The following PLD5 variants were observed in gnomAD, a reference collection of about 807,000 sequenced individuals.
PLD5 encodes the protein inactive phospholipase D5.
A neutral mutation model predicts 61.1 loss-of-function variants in PLD5; 36 were observed. The ratio of observed to expected loss-of-function variants is 0.59; its 90% CI spans 0.45 to 0.78. The LOEUF (loss-of-function observed/expected upper bound fraction) is 0.78, where lower values mean the gene tolerates loss of function less well. Among genes scored for constraint, PLD5 ranks in the 30% least tolerant of loss-of-function variants. The probability of loss-of-function intolerance (pLI) is 0.00; values close to 1 mark genes in which losing one functional copy is unlikely to be tolerated. For missense variants in PLD5, 515 were observed against 644.4 expected (o/e 0.80, Z 2.17); for synonymous variants, 243 against 242.8 (o/e 1.00, Z -0.01).
intron 1 of PLD5, among the ~76,000 whole-genome samples, chr1:242,454,348 C>T (rs1277019933): frequency 7.4e-6 from 1 of 135,222 alleles, no homozygotes; most frequent in Non-Finnish European, 1.7e-5. Flanking sequence ...AAAAAAAAGG[C>T]AAATTTAATC....
intron 1 of PLD5, among the ~76,000 whole-genome samples, chr1:242,351,521 A>T (rs755914485): frequency 1.3e-5 from 2 of 152,146 alleles, no homozygotes; most frequent in Non-Finnish European, 2.9e-5. Flanking sequence ...CCCCCTGCAC[A>T]CACTCTCTTG....
intron 3 of PLD5, among the ~76,000 whole-genome samples, chr1:242,278,729 C>T (rs1674552416): frequency 6.6e-6 from 1 of 152,118 alleles, no homozygotes; most frequent in African/African-American, 2.4e-5. Context: ...AGGTAGCGAC[C>T]CTTGCTTATT....
chr1:242,493,625 G>A (rs1464571833), intron 1 of PLD5, among the ~76,000 whole-genome samples: 1 of 152,180 alleles, frequency 6.6e-6, no homozygotes, highest in African/African-American at 2.4e-5. Flanking sequence ...CTGGAGAGAG[G>A]ACGGGCTTGT....
rs1669375791 is a variant in PLD5, at chr1:242,524,304, A to G, written c.-28T>C. On this transcript the variant is annotated 5_prime_UTR_variant, in exon 1 of 10. Transcript: ENST00000536534. Reference sequence around the variant, plus strand: ...TGACATGACCGGGCGGCCGCCGGCGAGCAGCGGACTCGGGACGGGCGCGCG... The same window carrying G: ...TGACATGACCGGGCGGCCGCCGGCGGGCAGCGGACTCGGGACGGGCGCGCG... The G allele has an allele frequency of 7.2e-7, 1 of 1,380,348 alleles. No homozygotes were observed. The highest frequency in any genetic ancestry group is 3.5e-5 in the Admixed American group (1 of 28,322). The allele number at this position is 1,380,348 out of a possible 1,614,324, so 85.5% of individuals were successfully genotyped here. A position where few individuals can be genotyped will look rare whatever the true frequency, so the allele number is the denominator to read the frequency against.
intron 5 of PLD5, among the ~76,000 whole-genome samples, chr1:242,169,128 T>A (rs1054875954): frequency 2.0e-5 from 3 of 150,848 alleles, no homozygotes; most frequent in African/African-American, 7.3e-5. Context: ...CCCCAAAACA[T>A]GAAAAAAGGG....
At chr1:242,311,335 T>C (rs1213786408) in intron 2 of PLD5, among the ~76,000 whole-genome samples, 2 of 152,194 alleles carry the variant, frequency 1.3e-5, no homozygotes, top group Non-Finnish European at 2.9e-5. Flanking sequence ...GCATCCATTG[T>C]GTAATGGTTA....
chr1:242,181,117 C>T (rs1463518919), intron 5 of PLD5, among the ~76,000 whole-genome samples: 1 of 152,174 alleles, frequency 6.6e-6, no homozygotes, highest in Admixed American at 6.5e-5. Context: ...TGCTTCTAGA[C>T]TTTAACATGC....
intron 9 of PLD5, 44 bp downstream of exon 9, chr1:242,100,624 C>T: frequency 2.1e-6 from 3 of 1,433,904 alleles, no homozygotes; most frequent in Non-Finnish European, 3.0e-6. Context: ...CTACCACTCC[C>T]TGGGTGACCC....
At chr1:242,377,289 C>T (rs931803661) in intron 1 of PLD5, 1 of 1,607,986 alleles carries the variant, frequency 6.2e-7, no homozygotes, top group African/African-American at 1.3e-5. Context: ...AGTGGTGAAG[C>T]CACACACGGC....
intron 1 of PLD5, among the ~76,000 whole-genome samples, chr1:242,439,540 C>T (rs1666175563): frequency 6.6e-6 from 1 of 152,118 alleles, no homozygotes; most frequent in African/African-American, 2.4e-5. Context: ...ATCTGGTGAG[C>T]AGCTAGCGGT....
chr1:242,242,004 T>TAGACACAC lies in PLD5; in HGVS notation c.608-21890_608-21889insGTGTGTCT, dbSNP rs1377532947. On this transcript the variant is annotated intron_variant, in intron 4 of 9. Coordinates refer to ENST00000536534, the MANE Select transcript of PLD5 (RefSeq NM_001372062.1). ...TATATATACTTACTATATATATATA[T>TAGACACAC]ATATATAGACACACACACACACACA... Among the ~76,000 whole-genome samples the TAGACACAC allele has an allele frequency of 3.2e-3, 426 of 132,828 alleles. 2 individuals are homozygous for TAGACACAC. The highest frequency in any genetic ancestry group is 0.029 in the East Asian group (133 of 4,512). The allele number at this position is 132,828 out of a possible 152,430, so 87.1% of individuals were successfully genotyped here.
intron 4 of PLD5, among the ~76,000 whole-genome samples, chr1:242,252,285 C>T (rs1672746489): frequency 6.6e-6 from 1 of 152,228 alleles, no homozygotes; most frequent in Non-Finnish European, 1.5e-5. Flanking sequence ...GTTCTCGTGA[C>T]ATTGATTTAA....
intron 4 of PLD5, among the ~76,000 whole-genome samples, chr1:242,237,498 T>C (rs1026870400): frequency 6.6e-6 from 1 of 152,092 alleles, no homozygotes; most frequent in Non-Finnish European, 1.5e-5. Flanking sequence ...TTAGTAGGGG[T>C]GCTAGAGGGA....
At chr1:242,371,715 C>T (rs563520738) in intron 1 of PLD5, among the ~76,000 whole-genome samples, 1 of 152,228 alleles carries the variant, frequency 6.6e-6, no homozygotes, top group African/African-American at 2.4e-5. Flanking sequence ...AATGATCCCT[C>T]TTCTCTGATT....
At chr1:242,420,241 T>A (rs1485130699) in intron 1 of PLD5, among the ~76,000 whole-genome samples, 2 of 152,152 alleles carry the variant, frequency 1.3e-5, no homozygotes, top group African/African-American at 4.8e-5. Flanking sequence ...AAGATTAAGT[T>A]ACTTGCCCAA....
rs1240942103 is a variant in PLD5 at position 242,083,204 on chromosome 1, T to C, written c.*6650A>G. On this transcript the variant is annotated 3_prime_UTR_variant, in exon 10 of 10. Transcript: ENST00000536534. ...GTCACCATTACGGTGACTGTGTCTA[T>C]TCTGGCTGTGCTTCCTATTCATCAT... 1 of 152,212 alleles carries C rather than the reference T, an allele frequency of 6.6e-6. No individual in the cohort carries two copies. Among genetic ancestry groups the C allele is most frequent in the Non-Finnish European group, 1.5e-5 (1 of 68,054 alleles). The allele number at this position is 152,212 out of a possible 1,614,324, so 9.4% of individuals were successfully genotyped here.
chr1:242,285,789 C>T (rs1221314845), intron 3 of PLD5, among the ~76,000 whole-genome samples: 1 of 151,918 alleles, frequency 6.6e-6, no homozygotes, highest in East Asian at 1.9e-4. Context: ...CTACAGTTTA[C>T]AATAATCTAT....
intron 5 of PLD5, among the ~76,000 whole-genome samples, chr1:242,135,231 G>A (rs1207819713): frequency 1.3e-5 from 2 of 152,050 alleles, no homozygotes; most frequent in Admixed American, 6.5e-5. Context: ...ATATATATAT[G>A]TATAATCAGC....
chr1:242,094,238 C>T (rs181316870), intron 9 of PLD5, among the ~76,000 whole-genome samples: 42 of 152,062 alleles, frequency 2.8e-4, no homozygotes, highest in East Asian at 1.7e-3. Context: ...CAAGAGAGCT[C>T]GCTGGGAAGG....
Sources: gnomAD v4.1 joint callset for allele counts (sites outside exome capture counted in the v4.1 genomes callset) on GRCh38, gnomAD v4.1.1 for gene constraint, MANE v1.5 for transcripts, NCBI Gene and HGNC (gene_info 2026-07-23, HGNC 2026-07-21) for gene names.